The following FMN1 variants were observed in gnomAD, a reference collection of about 807,000 sequenced individuals.
The protein encoded by FMN1 is formin-1.
Under a neutral mutation model 132.4 loss-of-function variants are expected in FMN1, and 110 were observed. The ratio of observed to expected loss-of-function variants is 0.83; its 90% CI spans 0.71 to 0.97. The LOEUF (loss-of-function observed/expected upper bound fraction) is 0.97, where lower values mean the gene tolerates loss of function less well. Among genes scored for constraint, FMN1 ranks in the 50% least tolerant of loss-of-function variants. The pLI, the probability that FMN1 is intolerant of heterozygous loss-of-function variation, is 0.00. For missense variants in FMN1, 1,792 were observed against 1,705.3 expected, an observed-to-expected ratio of 1.05 and a Z score of -0.90; for synonymous variants, 722 against 651.7, an observed-to-expected ratio of 1.11 and a Z score of -1.64.
intron 17 of FMN1, among the ~76,000 whole-genome samples, chr15:32,822,789 T>G (rs1188162994): frequency 6.6e-6 from 1 of 152,038 alleles, no homozygotes; most frequent in Non-Finnish European, 1.5e-5. Context: ...CTGGATTCTT[T>G]TTTATGAAGG....
intron 14 of FMN1, 140 bp from the exon 15 acceptor site, chr15:32,899,033 C>T (rs951056497): frequency 1.3e-5 from 8 of 619,830 alleles, no homozygotes; most frequent in South Asian, 4.0e-5. Flanking sequence ...GGTTTTCCTT[C>T]CTCTGCTTTA....
chr15:32,861,308 C>T (rs1001288123), intron 16 of FMN1, among the ~76,000 whole-genome samples: 1 of 152,168 alleles, frequency 6.6e-6, no homozygotes, highest in Non-Finnish European at 1.5e-5. Context: ...AATACTTTCT[C>T]TTTTGCCTGA....
intron 2 of FMN1, among the ~76,000 whole-genome samples, chr15:33,181,288 T>C (rs1161016902): frequency 7.9e-5 from 12 of 152,222 alleles, no homozygotes; most frequent in Admixed American, 7.8e-4. Flanking sequence ...ATTTTTCAGA[T>C]CATTTTACTC....
At chr15:33,058,605 C>T (rs899205287) in intron 6 of FMN1, among the ~76,000 whole-genome samples, 3 of 152,170 alleles carry the variant, frequency 2.0e-5, no homozygotes, top group African/African-American at 4.8e-5. Context: ...CATTCACTCC[C>T]TTCTTTGATT....
chr15:33,030,120 T>G (rs2035866370), intron 6 of FMN1, among the ~76,000 whole-genome samples: 1 of 152,234 alleles, frequency 6.6e-6, no homozygotes, highest in Non-Finnish European at 1.5e-5. Context: ...ATTGCACCAC[T>G]GCACTCCAGC....
chr15:33,052,491 C>G (rs1331271780), intron 6 of FMN1, among the ~76,000 whole-genome samples: 2 of 152,164 alleles, frequency 1.3e-5, no homozygotes, highest in Non-Finnish European at 2.9e-5. Flanking sequence ...TTTTCTGACA[C>G]CAACCAATTC....
intron 7 of FMN1, among the ~76,000 whole-genome samples, chr15:33,000,767 T>C (rs2034055839): frequency 6.6e-6 from 1 of 152,258 alleles, no homozygotes; most frequent in Non-Finnish European, 1.5e-5. Context: ...AAATAAGCTA[T>C]ACAGCATTCT....
chr15:32,931,434 G>A (rs2061114954), intron 9 of FMN1, among the ~76,000 whole-genome samples: 1 of 152,028 alleles, frequency 6.6e-6, no homozygotes, highest in African/African-American at 2.4e-5. Flanking sequence ...TTATTCCTAA[G>A]TATTTCATTT....
intron 8 of FMN1, among the ~76,000 whole-genome samples, chr15:32,965,767 G>T (rs1326162538): frequency 1.3e-5 from 2 of 151,974 alleles, no homozygotes; most frequent in African/African-American, 2.4e-5. Context: ...GCCAATAGTT[G>T]AACCATGTAA....
intron 6 of FMN1, among the ~76,000 whole-genome samples, chr15:33,036,462 C>G (rs1157818905): frequency 6.6e-6 from 1 of 151,926 alleles, no homozygotes; most frequent in Non-Finnish European, 1.5e-5. Flanking sequence ...AAAGTGAATC[C>G]TCATTCAAGT....
In FMN1 at chr15:32,913,637, T is replaced by C. The variant is rs1364776948; in HGVS notation, c.3227-3102A>G. Among the ~76,000 whole-genome samples the C allele has an allele frequency of 2.6e-5, 4 of 152,180 alleles. No individual in the cohort carries two copies. In the East Asian group the frequency reaches 7.7e-4, roughly 29 times the overall value. On this transcript the variant is annotated intron_variant, in intron 10 of 20. Coordinates refer to ENST00000616417, the MANE Select transcript of FMN1 (RefSeq NM_001277313.2). ...TCACATCATTAAGTCCTCAATCTTT[T>C]CCTCTGCCATGGTACCTCTCTCATA...
At chr15:33,166,735 C>T (rs1965123120) in intron 3 of FMN1, among the ~76,000 whole-genome samples, 1 of 152,148 alleles carries the variant, frequency 6.6e-6, no homozygotes, top group South Asian at 2.1e-4. Context: ...CATCTTAATC[C>T]AGCGTTATTT....
chr15:32,927,554 T>A (rs778214691), intron 9 of FMN1, among the ~76,000 whole-genome samples: 1 of 152,204 alleles, frequency 6.6e-6, no homozygotes, highest in Non-Finnish European at 1.5e-5. Context: ...CCACCACACT[T>A]GGCCTTAAAA....
At chr15:33,032,917 C>T (rs973897200) in intron 6 of FMN1, among the ~76,000 whole-genome samples, 2 of 152,148 alleles carry the variant, frequency 1.3e-5, no homozygotes, top group Non-Finnish European at 2.9e-5. Flanking sequence ...TTCGCAAGGT[C>T]ATTGTGAGGT....
intron 19 of FMN1, among the ~76,000 whole-genome samples, chr15:32,793,329 G>T (rs939077926): frequency 6.6e-6 from 1 of 151,866 alleles, no homozygotes; most frequent in African/African-American, 2.4e-5. Context: ...GCCCAGGCTG[G>T]AGTGCAGTGG....
At chr15:33,122,674 T>C (rs1229987338) in intron 4 of FMN1, among the ~76,000 whole-genome samples, 1 of 152,204 alleles carries the variant, frequency 6.6e-6, no homozygotes, top group Non-Finnish European at 1.5e-5. Flanking sequence ...TTGTGTCAAA[T>C]CTAGGAACAC....
chr15:32,901,062 G>A (rs2060282233), intron 13 of FMN1, among the ~76,000 whole-genome samples: 1 of 152,078 alleles, frequency 6.6e-6, no homozygotes, highest in Non-Finnish European at 1.5e-5. Context: ...GCTGAGGCAG[G>A]AGAATCGCTT....
At chr15:33,005,027 C>T (rs1281942800) in intron 7 of FMN1, among the ~76,000 whole-genome samples, 2 of 151,926 alleles carry the variant, frequency 1.3e-5, no homozygotes. Context: ...CATCACACAC[C>T]AGGGACTGTT....
At chr15:32,867,237 T>C (rs932388099) in intron 16 of FMN1, among the ~76,000 whole-genome samples, 5 of 152,228 alleles carry the variant, frequency 3.3e-5, no homozygotes, top group Admixed American at 6.5e-5. Context: ...GCCAGTCCCC[T>C]GCTTAAACCT....
Sources: allele counts gnomAD v4.1 joint callset (sites outside exome capture counted in the v4.1 genomes callset), GRCh38; gene constraint gnomAD v4.1.1; transcripts MANE v1.5; gene names NCBI Gene and HGNC (gene_info 2026-07-23, HGNC 2026-07-21).